ZNF385D: variants seen among roughly 807,000 people sequenced by gnomAD.
ZNF385D encodes the protein zinc finger protein 659.
ZNF385D carries 15 observed loss-of-function variants against 35.8 expected under a neutral mutation model. The observed-to-expected ratio is 0.42, with a 90% CI of 0.28 to 0.64. ZNF385D has a LOEUF of 0.64. ZNF385D is among the 30% of genes least tolerant of loss of function. The pLI is 0.23. For synonymous variants in ZNF385D, 212 were observed against 186.8 expected (o/e 1.13, Z -1.10); for missense variants, 474 against 494.6 (o/e 0.96, Z 0.39).
intron 3 of ZNF385D, among the ~76,000 whole-genome samples, chr3:21,803,075 G>A (rs561980890): frequency 7.2e-4 from 110 of 152,166 alleles, no homozygotes; most frequent in African/African-American, 2.6e-3. Flanking sequence ...ATGGCTGCAA[G>A]TTATTGTTAC....
intron 3 of ZNF385D, among the ~76,000 whole-genome samples, chr3:21,799,681 G>A (rs1383533626): frequency 6.6e-6 from 1 of 152,012 alleles, no homozygotes; most frequent in Non-Finnish European, 1.5e-5. Flanking sequence ...GACCTTAACA[G>A]GCATTTGATT....
At chr3:21,786,842 A>G (rs181934927) in intron 3 of ZNF385D, among the ~76,000 whole-genome samples, 196 of 152,336 alleles carry the variant, frequency 1.3e-3, no homozygotes, top group Non-Finnish European at 1.9e-3. Flanking sequence ...ACGAATTCCC[A>G]AGCTAAGTGT....
intron 3 of ZNF385D, among the ~76,000 whole-genome samples, chr3:22,007,339 T>A (rs372292349): frequency 6.6e-6 from 1 of 152,246 alleles, no homozygotes; most frequent in Admixed American, 6.5e-5. Flanking sequence ...CTTTTTAACA[T>A]TGGAATAACA....
At chr3:21,657,127 G>T (rs893837889) in intron 2 of ZNF385D, among the ~76,000 whole-genome samples, 1 of 151,672 alleles carries the variant, frequency 6.6e-6, no homozygotes, top group African/African-American at 2.4e-5. Context: ...ATTAACATAC[G>T]CATAAATCAA....
chr3:21,979,438 G>C (rs772086983), intron 3 of ZNF385D, among the ~76,000 whole-genome samples: 1 of 152,138 alleles, frequency 6.6e-6, no homozygotes, highest in Non-Finnish European at 1.5e-5. Context: ...CAGCTAGTTA[G>C]CCACTAAGCT....
chr3:21,462,210 A>AT (rs913214658), intron 4 of ZNF385D, among the ~76,000 whole-genome samples: 8 of 151,554 alleles, frequency 5.3e-5, no homozygotes, highest in Non-Finnish European at 8.8e-5. Flanking sequence ...TCTCTTTTCT[A>AT]TTTTTTTTCC....
chr3:21,461,432 C>T (rs1472146744), intron 4 of ZNF385D, among the ~76,000 whole-genome samples: 1 of 151,932 alleles, frequency 6.6e-6, no homozygotes, highest in Admixed American at 6.6e-5. Context: ...CCTGTATTCC[C>T]AGCTACTTGG....
chr3:22,238,647 C>G (rs144120756), intron 2 of ZNF385D, among the ~76,000 whole-genome samples: 1 of 150,940 alleles, frequency 6.6e-6, no homozygotes, highest in East Asian at 2.0e-4. Context: ...ATCCTTCAAT[C>G]TTACAGAACT....
intron 3 of ZNF385D, among the ~76,000 whole-genome samples, chr3:21,973,507 A>G (rs776746167): frequency 2.6e-5 from 4 of 152,036 alleles, no homozygotes; most frequent in Non-Finnish European, 4.4e-5. Context: ...AAGATCTGGG[A>G]TGAGACAAGG....
intron 3 of ZNF385D, among the ~76,000 whole-genome samples, chr3:22,020,371 G>T (rs770221524): frequency 6.6e-6 from 1 of 151,700 alleles, no homozygotes; most frequent in Non-Finnish European, 1.5e-5. Context: ...TTTTTCTTTA[G>T]TTGAACCACA....
upstream of ZNF385D, among the ~76,000 whole-genome samples, chr3:21,756,125 G>A (rs909334243): frequency 6.6e-6 from 1 of 152,162 alleles, no homozygotes; most frequent in African/African-American, 2.4e-5. Context: ...ATTGACTAAA[G>A]CGAGCAAGGA....
At chr3:22,083,175 A>G (rs1417390323) in intron 3 of ZNF385D, among the ~76,000 whole-genome samples, 2 of 152,180 alleles carry the variant, frequency 1.3e-5, no homozygotes, top group African/African-American at 4.8e-5. Context: ...CTCTTCTTCT[A>G]CTCCAAAGGA....
intron 3 of ZNF385D, among the ~76,000 whole-genome samples, chr3:21,922,648 T>A (rs1700529157): frequency 6.6e-6 from 1 of 152,084 alleles, no homozygotes; most frequent in Non-Finnish European, 1.5e-5. Context: ...CAAGAAGAAC[T>A]AAAGATTTAA....
chr3:22,262,364 G>A (rs1700676167), intron 2 of ZNF385D, among the ~76,000 whole-genome samples: 1 of 151,842 alleles, frequency 6.6e-6, no homozygotes, highest in African/African-American at 2.4e-5. Flanking sequence ...TAAAGACCAA[G>A]ACCCAAAAAT....
intron 2 of ZNF385D, among the ~76,000 whole-genome samples, chr3:21,586,134 G>A (rs1394577038): frequency 1.3e-5 from 2 of 152,134 alleles, no homozygotes; most frequent in South Asian, 2.1e-4. Flanking sequence ...TAAGACCAGT[G>A]GATTGAGGCT....
At chr3:21,758,992 A>AAAC (rs2070476415) in intron 3 of ZNF385D, among the ~76,000 whole-genome samples, 1 of 147,856 alleles carries the variant, frequency 6.8e-6, no homozygotes, top group Non-Finnish European at 1.5e-5. Context: ...AAAAAAAAAA[A>AAAC]AAAAAAAAAA....
chr3:22,253,089 T>C (rs974732677), intron 2 of ZNF385D, among the ~76,000 whole-genome samples: 2 of 152,012 alleles, frequency 1.3e-5, no homozygotes, highest in African/African-American at 4.8e-5. Flanking sequence ...AGAAGGTGTT[T>C]TGGACAAATC....
chr3:21,913,171 G>C (rs937359293), intron 3 of ZNF385D, among the ~76,000 whole-genome samples: 2 of 152,046 alleles, frequency 1.3e-5, no homozygotes, highest in Non-Finnish European at 2.9e-5. Context: ...ACAGGAGAAT[G>C]AATCCTTGAG....
intron 2 of ZNF385D, among the ~76,000 whole-genome samples, chr3:21,621,269 G>A (rs1327791978): frequency 1.3e-5 from 2 of 152,080 alleles, no homozygotes; most frequent in Non-Finnish European, 2.9e-5. Context: ...GAATACAGCT[G>A]TACTGCAAGC....
Sources: gnomAD v4.1 joint callset for allele counts (sites outside exome capture counted in the v4.1 genomes callset) on GRCh38, gnomAD v4.1.1 for gene constraint, MANE v1.5 for transcripts, NCBI Gene and HGNC (gene_info 2026-07-23, HGNC 2026-07-21) for gene names.